TASP1: variants seen among roughly 807,000 people sequenced by gnomAD.
TASP1 encodes threonine aspartase 1.
In TASP1, 16 loss-of-function variants were observed where a neutral mutation model predicts 56.6. The observed-to-expected ratio is 0.28, with a 90% CI of 0.19 to 0.43. The LOEUF (loss-of-function observed/expected upper bound fraction) is 0.43. TASP1 is among the 20% of genes least tolerant of loss of function. TASP1 has a pLI of 1.00. For missense variants in TASP1, 393 were observed against 511.6 expected (o/e 0.77, Z 2.24); for synonymous variants, 179 against 184.2 (o/e 0.97, Z 0.23).
the TASP1 span, among the ~76,000 whole-genome samples, chr20:13,266,730 G>A: frequency 6.6e-6 from 1 of 152,282 alleles, no homozygotes; most frequent in South Asian, 2.1e-4. Context: ...TAAATTCCCA[G>A]ACTTTCCTAA....
chr20:13,373,772 C>G, the TASP1 span, among the ~76,000 whole-genome samples: 2 of 152,040 alleles, frequency 1.3e-5, no homozygotes, highest in Non-Finnish European at 2.9e-5. Context: ...ATTGAGCTTC[C>G]TGAGTGTGTT....
chr20:13,126,387 C>T, the TASP1 span, among the ~76,000 whole-genome samples: 1 of 152,064 alleles, frequency 6.6e-6, no homozygotes, highest in African/African-American at 2.4e-5. Context: ...GCTGTAGATT[C>T]TAGGTTTTTG....
chr20:13,545,898 C>T (rs571737031), intron 8 of TASP1, among the ~76,000 whole-genome samples: 1 of 152,312 alleles, frequency 6.6e-6, no homozygotes, highest in Admixed American at 6.5e-5. Flanking sequence ...CTTTATCCAA[C>T]ATCCAGCTTA....
At chr20:13,517,616 AT>A (rs2044589006) in intron 10 of TASP1, among the ~76,000 whole-genome samples, 1 of 152,098 alleles carries the variant, frequency 6.6e-6, no homozygotes, top group Admixed American at 6.6e-5. Flanking sequence ...CAGGAAAAAA[AT>A]CTACTCATTT....
intron 12 of TASP1, among the ~76,000 whole-genome samples, chr20:13,423,875 A>T (rs1024218013): frequency 3.3e-5 from 5 of 152,216 alleles, no homozygotes; most frequent in African/African-American, 4.8e-5. Context: ...TGATTTTAGC[A>T]TATATTTTAA....
At chr20:13,395,616 TATTGTGA>T (rs1403505099) in intron 13 of TASP1, among the ~76,000 whole-genome samples, 12 of 152,288 alleles carry the variant, frequency 7.9e-5, no homozygotes, top group African/African-American at 2.9e-4. Flanking sequence ...TGTGAGACTG[TATTGTGA>T]ACTGGGTAGT....
chr20:13,180,567 G>A, the TASP1 span, among the ~76,000 whole-genome samples: 4 of 152,066 alleles, frequency 2.6e-5, no homozygotes, highest in Non-Finnish European at 5.9e-5. Context: ...CTGAACATTT[G>A]TTAATTTGTT....
chr20:13,345,034 G>T, the TASP1 span, among the ~76,000 whole-genome samples: 1 of 152,022 alleles, frequency 6.6e-6, no homozygotes, highest in African/African-American at 2.4e-5. Context: ...GCCTCCTCAT[G>T]CACATTTACA....
intron 11 of TASP1, among the ~76,000 whole-genome samples, chr20:13,473,704 C>T (rs1265706881): frequency 6.6e-6 from 1 of 152,136 alleles, no homozygotes; most frequent in Non-Finnish European, 1.5e-5. Flanking sequence ...TGACTCTTTC[C>T]TTAATCTACC....
At chr20:13,624,329 C>T (rs2048814176) in intron 3 of TASP1, among the ~76,000 whole-genome samples, 1 of 152,012 alleles carries the variant, frequency 6.6e-6, no homozygotes, top group Non-Finnish European at 1.5e-5. Flanking sequence ...AAAAATTTCA[C>T]ACTTTGAAAA....
the TASP1 span, among the ~76,000 whole-genome samples, chr20:13,303,791 G>A: frequency 3.3e-5 from 5 of 152,214 alleles, no homozygotes; most frequent in African/African-American, 4.8e-5. Flanking sequence ...TCTTGGAGGG[G>A]AGATAGTGGA....
the TASP1 span, among the ~76,000 whole-genome samples, chr20:13,344,175 G>A: frequency 2.0e-5 from 3 of 152,066 alleles, no homozygotes; most frequent in Admixed American, 6.5e-5. Flanking sequence ...ATGGGGAGAA[G>A]CATGACCTCT....
At chr20:13,354,114 T>C in the TASP1 span, among the ~76,000 whole-genome samples, 1,624 of 152,190 alleles carry the variant, frequency 0.011, 42 homozygotes, top group African/African-American at 0.037. Context: ...TTGAAATCAA[T>C]AGAAAGCTTG....
chr20:13,516,948 G>C (rs2148801), intron 10 of TASP1, among the ~76,000 whole-genome samples: 1 of 151,930 alleles, frequency 6.6e-6, no homozygotes, highest in Non-Finnish European at 1.5e-5. Flanking sequence ...GTAGTGTTAA[G>C]ATTAAAAACA....
At chr20:13,360,732 A>G in the TASP1 span, among the ~76,000 whole-genome samples, 502 of 152,228 alleles carry the variant, frequency 3.3e-3, 1 homozygote, top group East Asian at 0.011. Flanking sequence ...TCTGCTTCCC[A>G]GCTCCTTCAG....
chr20:13,386,891 CA>C (rs1362247459), downstream of TASP1, among the ~76,000 whole-genome samples: 2 of 152,094 alleles, frequency 1.3e-5, no homozygotes, highest in South Asian at 2.1e-4. Flanking sequence ...ATTTTAGGTT[CA>C]GGGGGTACGT....
intron 13 of TASP1, among the ~76,000 whole-genome samples, chr20:13,409,678 A>T (rs1470233526): frequency 1.3e-5 from 2 of 151,958 alleles, no homozygotes; most frequent in Admixed American, 6.6e-5. Flanking sequence ...ATTTTTTTCA[A>T]CTGACATACT....
the TASP1 span, among the ~76,000 whole-genome samples, chr20:13,200,644 AT>A: frequency 6.6e-6 from 1 of 152,250 alleles, no homozygotes; most frequent in Admixed American, 6.5e-5. Context: ...CCCATTTGTA[AT>A]TTAAAAAATG....
At chr20:13,634,425 T>C (rs112012358) in intron 1 of TASP1, among the ~76,000 whole-genome samples, 10 of 152,260 alleles carry the variant, frequency 6.6e-5, no homozygotes, top group African/African-American at 2.4e-4. Flanking sequence ...CACTTTCTTT[T>C]TGTGCTGATA....
Sources: allele counts gnomAD v4.1 joint callset (sites outside exome capture counted in the v4.1 genomes callset), GRCh38; gene constraint gnomAD v4.1.1; transcripts MANE v1.5; gene names NCBI Gene and HGNC (gene_info 2026-07-23, HGNC 2026-07-21).